The following ZDHHC14 variants were observed in gnomAD, a reference collection of about 807,000 sequenced individuals.
The protein encoded by ZDHHC14 is zDHHC palmitoyltransferase 14, also known as palmitoyltransferase ZDHHC14.
Under a neutral mutation model 47.7 loss-of-function variants are expected in ZDHHC14, and 16 were observed. The ratio of observed to expected loss-of-function variants is 0.34; its 90% confidence interval spans 0.23 to 0.51. ZDHHC14 has a LOEUF of 0.51. ZDHHC14 is among the 20% of genes least tolerant of loss of function. The probability of loss-of-function intolerance (pLI) is 0.97; values close to 1 mark genes in which losing one functional copy is unlikely to be tolerated. For synonymous variants in ZDHHC14, 293 were observed against 278.9 expected (o/e 1.05, Z -0.50); for missense variants, 515 against 662.5 (o/e 0.78, Z 2.44).
At chr6:157,517,706 A>G (rs2114760402) in intron 1 of ZDHHC14, among the ~76,000 whole-genome samples, 1 of 152,370 alleles carries the variant, frequency 6.6e-6, no homozygotes, top group Non-Finnish European at 1.5e-5. Context: ...GCCAGCAGCC[A>G]GGTTCAGTCC....
At position 157,436,280 on chromosome 6, in the gene ZDHHC14, G is replaced by C. The variant is rs544884092; in HGVS notation, c.245+54014G>C. Among the ~76,000 whole-genome samples the C allele has an allele frequency of 1.9e-4, 29 of 152,274 alleles. 1 individual carries two copies. In the South Asian group the frequency reaches 3.7e-3, roughly 20 times the overall value. On this transcript the variant is annotated intron_variant, in intron 1 of 8. Transcript: ENST00000359775. Reference sequence around the variant, plus strand: ...AATGAAGGTGCAAATGGAGATACGAGGTTGTTTGGAAGATTAAATAACATA... The same window carrying C: ...AATGAAGGTGCAAATGGAGATACGACGTTGTTTGGAAGATTAAATAACATA...
intron 1 of ZDHHC14, among the ~76,000 whole-genome samples, chr6:157,453,216 C>G (rs1778842451): frequency 6.6e-6 from 1 of 152,144 alleles, no homozygotes; most frequent in South Asian, 2.1e-4. Flanking sequence ...CCAAAGGGAT[C>G]TCTACTTCTC....
chr6:157,473,264 T>C (rs1033174472), intron 1 of ZDHHC14, among the ~76,000 whole-genome samples: 8 of 152,258 alleles, frequency 5.3e-5, no homozygotes, highest in African/African-American at 1.9e-4. Flanking sequence ...CTGTTGAATC[T>C]GTTCCTCCTG....
At chr6:157,540,098 C>T (rs140269401) in intron 1 of ZDHHC14, among the ~76,000 whole-genome samples, 2,563 of 152,282 alleles carry the variant, frequency 0.017, 78 homozygotes, top group African/African-American at 0.058. Flanking sequence ...GGCCTCCCCG[C>T]GTCAACTGGA....
intron 1 of ZDHHC14, among the ~76,000 whole-genome samples, chr6:157,423,981 C>T (rs545130101): frequency 7.2e-5 from 11 of 152,336 alleles, no homozygotes; most frequent in African/African-American, 2.2e-4. Context: ...GCCTGGCAGG[C>T]GCTTGAGGTA....
chr6:157,514,400 G>A (rs1050584071), intron 1 of ZDHHC14, among the ~76,000 whole-genome samples: 2 of 152,216 alleles, frequency 1.3e-5, no homozygotes, highest in Admixed American at 1.3e-4. Flanking sequence ...GCTGTGCAAA[G>A]AGCAAAACTT....
intron 3 of ZDHHC14, among the ~76,000 whole-genome samples, chr6:157,609,463 C>T (rs1241322055): frequency 6.6e-6 from 1 of 152,146 alleles, no homozygotes; most frequent in Non-Finnish European, 1.5e-5. Flanking sequence ...CAGGATGCTC[C>T]CTTTATCCAG....
intron 1 of ZDHHC14, among the ~76,000 whole-genome samples, chr6:157,481,176 A>T (rs1297089125): frequency 6.6e-6 from 1 of 152,166 alleles, no homozygotes; most frequent in Non-Finnish European, 1.5e-5. Flanking sequence ...CATTTTTTCC[A>T]TGTAAAACAT....
At chr6:157,593,890 CAAGG>C (rs1784015610) in intron 3 of ZDHHC14, among the ~76,000 whole-genome samples, 1 of 152,206 alleles carries the variant, frequency 6.6e-6, no homozygotes, top group African/African-American at 2.4e-5. Context: ...ATGAGGTTGG[CAAGG>C]AGATGGCAGA....
rs184387802 is a variant in ZDHHC14 at position 157,421,463 on chromosome 6, A to G, written c.245+39197A>G. Reference sequence around the variant, plus strand: ...AGCTGAGATCGTGCCACTGCACTCCATCCTGGGCTACAGAGCCAGACTCCG... The same window carrying G: ...AGCTGAGATCGTGCCACTGCACTCCGTCCTGGGCTACAGAGCCAGACTCCG... On this transcript the variant is annotated intron_variant, in intron 1 of 8. Transcript: ENST00000359775. Among the ~76,000 whole-genome samples, 78 of 127,612 alleles carry G rather than the reference A, an allele frequency of 6.1e-4. 3 individuals are homozygous for G. The East Asian group carries it at 0.018, about 30-fold the overall frequency. The allele number at this position is 127,612 out of a possible 152,430, so 83.7% of individuals were successfully genotyped here. A position where few individuals can be genotyped will look rare whatever the true frequency, so the allele number is the denominator to read the frequency against.
In ZDHHC14 at chr6:157,522,890, A is replaced by ATCCTTCCTTCCT. The variant is rs1170981998; in HGVS notation, c.246-19673_246-19662dup. 6.6e-4 allele frequency among the ~76,000 whole-genome samples: 17 copies of ATCCTTCCTTCCT among 25,710 alleles called. 5 individuals carry two copies. Among genetic ancestry groups the ATCCTTCCTTCCT allele is most frequent in the Non-Finnish European group, 1.1e-3 (17 of 15,172 alleles). 16.9% of individuals were successfully genotyped at this position (25,710 alleles called of 152,430 possible). ...CCTTGCTCCCTCCCATCTTCCTACC[A>ATCCTTCCTTCCT]TCCTTCCTTCCTTCCTTCCTTCCTT... is the stretch of plus-strand genomic sequence containing the variant. On this transcript the variant is annotated intron_variant, in intron 1 of 8. Transcript: ENST00000359775.
intron 1 of ZDHHC14, among the ~76,000 whole-genome samples, chr6:157,513,523 C>T (rs538257651): frequency 6.6e-6 from 1 of 152,318 alleles, no homozygotes; most frequent in African/African-American, 2.4e-5. Context: ...ACTCTGTCAA[C>T]ATTGACATAA....
chr6:157,491,990 G>A (rs922895119), intron 1 of ZDHHC14, among the ~76,000 whole-genome samples: 2 of 152,210 alleles, frequency 1.3e-5, no homozygotes, highest in Non-Finnish European at 2.9e-5. Context: ...CCTACCACAG[G>A]CCGGCCAGGG....
chr6:157,556,246 CA>C (rs1348614158), intron 2 of ZDHHC14, among the ~76,000 whole-genome samples: 2 of 66,380 alleles, frequency 3.0e-5, no homozygotes, highest in Non-Finnish European at 5.6e-5. Flanking sequence ...GCAGAGAGGA[CA>C]GGGGTGGGGG....
chr6:157,558,532 T>C (rs759354416), intron 2 of ZDHHC14, among the ~76,000 whole-genome samples: 17 of 152,122 alleles, frequency 1.1e-4, no homozygotes, highest in Non-Finnish European at 1.9e-4. Flanking sequence ...TCCAATTTTG[T>C]GGAGAGGAGG....
At chr6:157,390,557 G>A (rs1304955870) in intron 1 of ZDHHC14, among the ~76,000 whole-genome samples, 1 of 151,684 alleles carries the variant, frequency 6.6e-6, no homozygotes, top group African/African-American at 2.4e-5. Flanking sequence ...ATACTTTTTA[G>A]ATACTTTATT....
At chr6:157,574,106 C>T (rs1412236116) in intron 2 of ZDHHC14, among the ~76,000 whole-genome samples, 1 of 151,608 alleles carries the variant, frequency 6.6e-6, no homozygotes, top group Non-Finnish European at 1.5e-5. Context: ...ACACTCTACA[C>T]CTCTCTGTTG....
intron 1 of ZDHHC14, among the ~76,000 whole-genome samples, chr6:157,406,118 T>A (rs968268108): frequency 1.8e-4 from 27 of 152,208 alleles, no homozygotes; most frequent in African/African-American, 6.5e-4. Flanking sequence ...GTTTATATCG[T>A]ATCAGCTCCA....
rs1778236454 is a variant in ZDHHC14, at chr6:157,427,002, C to A, written c.245+44736C>A. On this transcript the variant is annotated intron_variant, in intron 1 of 8. Transcript: ENST00000359775. This position sits in a 1 kb window ranked among gnomAD's most constrained non-coding sequence, Gnocchi z 4.4. Reference sequence around the variant, plus strand: ...AGGGAAGGAGAACTTAAGATAGTGTCTGGAGGAGAAGGTAGGTGAGGAATC... The same window carrying A: ...AGGGAAGGAGAACTTAAGATAGTGTATGGAGGAGAAGGTAGGTGAGGAATC... Among the ~76,000 whole-genome samples the A allele has an allele frequency of 6.6e-6, 1 of 152,062 alleles. No individual in the cohort carries two copies. Among genetic ancestry groups the A allele is most frequent in the South Asian group, 2.1e-4 (1 of 4,816 alleles).
Sources: gnomAD v4.1 joint callset for allele counts (sites outside exome capture counted in the v4.1 genomes callset) on GRCh38, gnomAD v4.1.1 for gene constraint, Gnocchi (gnomAD v3.1) non-coding constraint, MANE v1.5 for transcripts, NCBI Gene and HGNC (gene_info 2026-07-23, HGNC 2026-07-21) for gene names.